PTGES3L: variants seen among roughly 807,000 people sequenced by gnomAD.
PTGES3L encodes putative protein PTGES3L.
A neutral mutation model predicts 25.0 loss-of-function variants in PTGES3L; 17 were observed. The ratio of observed to expected loss-of-function variants is 0.68; its 90% CI spans 0.47 to 1.02. The LOEUF is 1.02. Ranked by LOEUF, PTGES3L falls within the 50% of genes least tolerant of loss-of-function variation. The pLI is 0.00. For synonymous variants in PTGES3L, 59 were observed against 65.7 expected (o/e 0.90, Z 0.50); for missense variants, 202 against 197.5 (o/e 1.02, Z -0.14).
intron 4 of PTGES3L, among the ~76,000 whole-genome samples, chr17:42,978,621 G>A (rs150854475): frequency 5.9e-5 from 9 of 152,282 alleles, no homozygotes; most frequent in African/African-American, 1.7e-4. Flanking sequence ...CCTGCATGAC[G>A]GGTTGATAGA....
rs2049811542 is a variant in PTGES3L, at chr17:42,970,395, T to A, written c.379-53A>T. On this transcript the variant is annotated intron_variant, in intron 5 of 6. Coordinates refer to ENST00000591916, the MANE Select transcript of PTGES3L (RefSeq NM_001261430.2). Reference sequence around the variant, plus strand: ...GGAGAAGGGAGTGAAGGAAGAACAATCTGCACATTGATGGTCCATAGAAGA... The same window carrying A: ...GGAGAAGGGAGTGAAGGAAGAACAAACTGCACATTGATGGTCCATAGAAGA... The A allele has an allele frequency of 1.6e-5, 26 of 1,603,562 alleles. No individual in the cohort carries two copies. The South Asian group carries it at 2.8e-4, about 17-fold the overall frequency.
At chr17:42,974,977 A>T (rs1176092696) in intron 4 of PTGES3L, among the ~76,000 whole-genome samples, 1 of 151,736 alleles carries the variant, frequency 6.6e-6, no homozygotes, top group Non-Finnish European at 1.5e-5. Context: ...CTCTACAAAA[A>T]ATACAAAAAT....
intron 4 of PTGES3L, among the ~76,000 whole-genome samples, chr17:42,974,159 G>A (rs1465402045): frequency 3.3e-5 from 5 of 151,840 alleles, no homozygotes; most frequent in South Asian, 2.1e-4. Context: ...TCAGGAGTTC[G>A]AGACCAGCCT....
intron 4 of PTGES3L, among the ~76,000 whole-genome samples, chr17:42,976,956 A>G (rs2049965304): frequency 6.6e-6 from 1 of 152,188 alleles, no homozygotes; most frequent in East Asian, 1.9e-4. Context: ...AATATTTAAG[A>G]GGTCAGTAGA....
rs1279771380 is a variant in PTGES3L at position 42,979,555 on chromosome 17, C to A, written c.117G>T (p.Val39=). 2.5e-6 allele frequency: 4 copies of A among 1,614,186 alleles called. No homozygotes were observed. In the East Asian group the frequency reaches 8.9e-5, roughly 36 times the overall value. Residue 39 remains valine (V), a synonymous_variant, in exon 2 of 7, where the codon GTG becomes GTT. Transcript: ENST00000591916. ...TCGGACGGCAGGGCCACTACCTGAA[C>A]ACAATGCGGTGATCCTCAATAAGCA... The part of the protein sequence containing the change: ...VHVLIEDHRI[V]FSCKNADGVE...
intron 4 of PTGES3L, 133 bp downstream of exon 4, chr17:42,979,037 A>C: frequency 1.1e-6 from 1 of 888,234 alleles, no homozygotes. Flanking sequence ...AAGAGAGACT[A>C]ATACAGTTGG....
At position 42,976,801 on chromosome 17, in the gene PTGES3L, A is replaced by C. The variant is rs889847117; in HGVS notation, c.288+2369T>G. ...TTTGGAGGGCCTTAAGTGGGGGAGCATCAGGGTCAAATGTGTGTTTTAGAC... is the reference window on the plus strand; with the variant it reads ...TTTGGAGGGCCTTAAGTGGGGGAGCCTCAGGGTCAAATGTGTGTTTTAGAC... On this transcript the variant is annotated intron_variant, in intron 4 of 6. Coordinates refer to ENST00000591916, the MANE Select transcript of PTGES3L (RefSeq NM_001261430.2). Among the ~76,000 whole-genome samples, 7 of 152,334 alleles carry C rather than the reference A, an allele frequency of 4.6e-5. No homozygotes were observed. The South Asian group carries it at 1.4e-3, about 32-fold the overall frequency.
At chr17:42,975,980 T>C (rs1260849853) in intron 4 of PTGES3L, among the ~76,000 whole-genome samples, 1 of 150,554 alleles carries the variant, frequency 6.6e-6, no homozygotes, top group Non-Finnish European at 1.5e-5. Flanking sequence ...TGGCTCCCCG[T>C]TTTATTTATT....
intron 4 of PTGES3L, chr17:42,972,072 C>G: frequency 4.7e-6 from 1 of 211,252 alleles, no homozygotes; most frequent in Admixed American, 5.3e-5. Flanking sequence ...CCTGTAGTCC[C>G]AGCTACTCGG....
chr17:42,971,013 C>T (rs1189226644), intron 5 of PTGES3L, among the ~76,000 whole-genome samples: 1 of 151,758 alleles, frequency 6.6e-6, no homozygotes, highest in East Asian at 1.9e-4. Flanking sequence ...AAACCACACA[C>T]ACAGGCCAGG....
In PTGES3L at chr17:42,979,549, C is replaced by CCTGAACACAATGCGGTG; in HGVS notation, c.106_122dup (p.Cys42ThrfsTer25). On this transcript the variant is annotated frameshift_variant and splice_region_variant. Coordinates refer to ENST00000591916, the MANE Select transcript of PTGES3L (RefSeq NM_001261430.2). LOFTEE classifies it high-confidence loss of function. ...AGGCCCTCGGACGGCAGGGCCACTA[C>CCTGAACACAATGCGGTG]CTGAACACAATGCGGTGATCCTCAA... 6.8e-6 allele frequency: 11 copies of CCTGAACACAATGCGGTG among 1,614,172 alleles called. No individual in the cohort carries two copies. Among genetic ancestry groups the CCTGAACACAATGCGGTG allele is most frequent in the Non-Finnish European group, 9.3e-6 (11 of 1,180,034 alleles).
rs2050036406 is a variant in PTGES3L, at chr17:42,979,592, G to C, written c.80C>G (p.Thr27Ser). The C allele has an allele frequency of 6.2e-7, 1 of 1,614,108 alleles. No homozygotes were observed. The highest frequency in any genetic ancestry group is 1.1e-5 in the South Asian group (1 of 91,078). ...VFMEFCVEDS[T>S]DVHVLIEDHR... ...ATCCTCAATAAGCACGTGGACATCG[G>C]TGCTGTCCTCAACACAAAACTCCAT... Residue 27 changes from threonine (T) to serine (S), a missense_variant, in exon 2 of 7, where the codon ACC becomes AGC. By Grantham distance (58) the Thr-to-Ser change is moderately conservative (BLOSUM62 1). Coordinates refer to ENST00000591916, the MANE Select transcript of PTGES3L (RefSeq NM_001261430.2).
chr17:42,976,980 C>A (rs1028399366), intron 4 of PTGES3L, among the ~76,000 whole-genome samples: 1 of 152,108 alleles, frequency 6.6e-6, no homozygotes, highest in South Asian at 2.1e-4. Context: ...TGGTTGTAAG[C>A]CACTACTAGA....
intron 4 of PTGES3L, among the ~76,000 whole-genome samples, chr17:42,976,032 G>A (rs1374876716): frequency 1.3e-5 from 2 of 151,280 alleles, no homozygotes; most frequent in Non-Finnish European, 2.9e-5. Flanking sequence ...GCACAGGCAG[G>A]AGTGCAGTGG....
Position 42,969,178 on chromosome 17 carries a change from A to T in PTGES3L, c.441T>A (p.Ser147=), listed in dbSNP as rs78015882. The T allele has an allele frequency of 8.1e-3, 9,796 of 1,204,756 alleles. 659 individuals carry two copies. The African/African-American group carries it at 0.17, about 21-fold the overall frequency. The allele number at this position is 1,204,756 out of a possible 1,614,324, so 74.6% of individuals were successfully genotyped here. Residue 147 remains serine, a synonymous_variant, in exon 7 of 7, where the codon TCT becomes TCA. Coordinates refer to ENST00000591916, the MANE Select transcript of PTGES3L (RefSeq NM_001261430.2). The part of the protein sequence containing the change: ...PPAMDDLDDD[S]DSADDATSN ...TACTTGTTGCATCATCAGCACTGTC[A>T]GAATCATCCTGGGGGCGGGGGGGAA...
intron 4 of PTGES3L, among the ~76,000 whole-genome samples, chr17:42,974,220 C>T (rs546700650): frequency 1.3e-5 from 2 of 150,122 alleles, no homozygotes; most frequent in African/African-American, 4.9e-5. Context: ...ATTAGCTGGG[C>T]ATGGTGGCAC....
Position 42,971,633 on chromosome 17 carries a change from G to A in PTGES3L, c.352C>T (p.Leu118=). ...TCTGCATAATGTTCCACATGAGCCA[G>A]CTCCATCTCTTCATCCCCTTCCCAG... ...RDWEGDEEME[L]AHVEHYAELL... Residue 118 remains leucine, a synonymous_variant, in exon 5 of 7, where the codon CTG becomes TTG. Coordinates refer to ENST00000591916, the MANE Select transcript of PTGES3L (RefSeq NM_001261430.2). 1 of 1,614,032 alleles carries A rather than the reference G, an allele frequency of 6.2e-7. No homozygotes were observed. The highest frequency in any genetic ancestry group is 8.5e-7 in the Non-Finnish European group (1 of 1,180,002).
intron 4 of PTGES3L, among the ~76,000 whole-genome samples, chr17:42,972,366 T>C (rs1257413812): frequency 8.8e-6 from 1 of 113,208 alleles, no homozygotes; most frequent in Non-Finnish European, 1.7e-5. Context: ...CTTTCCACGG[T>C]CTCCCTCTCA....
At chr17:42,973,211 C>G (rs2049885201) in intron 4 of PTGES3L, among the ~76,000 whole-genome samples, 1 of 147,992 alleles carries the variant, frequency 6.8e-6, no homozygotes, top group African/African-American at 2.5e-5. Context: ...CAGCCCCCCG[C>G]CCGGCCAGCC....
Sources: allele counts gnomAD v4.1 joint callset (sites outside exome capture counted in the v4.1 genomes callset), GRCh38; gene constraint gnomAD v4.1.1; transcripts MANE v1.5; gene names NCBI Gene and HGNC (gene_info 2026-07-23, HGNC 2026-07-21).